ITPRIP: variants seen among roughly 807,000 people sequenced by gnomAD.
ITPRIP encodes inositol 1,4,5-trisphosphate receptor interacting protein.
ITPRIP carries 32 observed loss-of-function variants against 35.8 expected under a neutral mutation model. The observed-to-expected ratio is 0.89, with a 90% CI of 0.68 to 1.20. ITPRIP has a LOEUF of 1.20. ITPRIP is among the 50% of genes most tolerant of loss of function. ITPRIP has a pLI of 0.00. For missense variants in ITPRIP, 653 were observed against 735.6 expected, an observed-to-expected ratio of 0.89 and a Z score of 1.30; for synonymous variants, 358 against 324.0, an observed-to-expected ratio of 1.11 and a Z score of -1.13.
chr10:104,312,709 G>C lies in ITPRIP; in HGVS notation c.*1699C>G, dbSNP rs41302701. 9,860 of 985,348 alleles carry C rather than the reference G, an allele frequency of 0.01. 75 individuals are homozygous for C. The highest frequency in any genetic ancestry group is 0.011 in the Non-Finnish European group (9,211 of 829,924). 61.0% of individuals were successfully genotyped at this position (985,348 alleles called of 1,614,324 possible). ...AGCTGCCCCACCAGGAATTAACCCTGGTGGGCAAAGGGTCCATCTTCTCAA... is the reference window on the plus strand; with the variant it reads ...AGCTGCCCCACCAGGAATTAACCCTCGTGGGCAAAGGGTCCATCTTCTCAA... On this transcript the variant is annotated 3_prime_UTR_variant, in exon 2 of 2. Coordinates refer to ENST00000337478, the MANE Select transcript of ITPRIP (RefSeq NM_001272013.2).
At position 104,315,530 on chromosome 10, in the gene ITPRIP, G is replaced by A; in HGVS notation, c.522C>T (p.Ala174=). 6.2e-7 allele frequency: 1 copy of A among 1,614,234 alleles called. No individual in the cohort carries two copies. Among genetic ancestry groups the A allele is most frequent in the Non-Finnish European group, 8.5e-7 (1 of 1,180,034 alleles). The change falls in exon 2 of 2, where the codon GCC becomes GCT. Residue 174 remains alanine (A), a synonymous_variant. Coordinates refer to ENST00000337478, the MANE Select transcript of ITPRIP (RefSeq NM_001272013.2). The surrounding 1 kb of genome is among the most constrained non-coding windows in gnomAD (Gnocchi z 5.7). ...TGTCCCGGTTGCAGAGGCTCCTCAG[G>A]GCTTCCAGCAAGTCATCCACGAAGC... ...LEGFVDDLLE[A]LRSLCNRDTD...
rs2013572695 is a variant in ITPRIP at position 104,314,464 on chromosome 10, G to C, written c.1588C>G (p.Leu530Val). ...ACATGTAGGGAATACTCGCTAATGAGCGCTGGGGCATTCTTGAGCATCTCA... is the reference window on the plus strand; with the variant it reads ...ACATGTAGGGAATACTCGCTAATGACCGCTGGGGCATTCTTGAGCATCTCA... Reference protein sequence around the residue: ...FYEMLKNAPALISEYSLHVPS... With the variant: ...FYEMLKNAPAVISEYSLHVPS... The change falls in exon 2 of 2, where the codon CTC (leucine) becomes GTC (valine). Residue 530 changes from leucine to valine, a missense_variant. Transcript: ENST00000337478. 1 of 1,614,028 alleles carries C rather than the reference G, an allele frequency of 6.2e-7. No individual in the cohort carries two copies. The highest frequency in any genetic ancestry group is 1.1e-5 in the South Asian group (1 of 91,090).
intron 1 of ITPRIP, among the ~76,000 whole-genome samples, chr10:104,325,252 G>C (rs1178354668): frequency 6.6e-6 from 1 of 152,080 alleles, no homozygotes; most frequent in Non-Finnish European, 1.5e-5. Context: ...AAATATGTTA[G>C]TGGCCACCCA....
intron 1 of ITPRIP, among the ~76,000 whole-genome samples, chr10:104,338,015 G>T (rs1180076987): frequency 6.6e-6 from 1 of 152,194 alleles, no homozygotes; most frequent in African/African-American, 2.4e-5. Context: ...CCCCGACGCG[G>T]CGGGAACAGG....
chr10:104,331,879 G>T (rs1358913687), intron 1 of ITPRIP, among the ~76,000 whole-genome samples: 5 of 152,186 alleles, frequency 3.3e-5, no homozygotes, highest in Non-Finnish European at 7.3e-5. Context: ...GAGACAGCAG[G>T]AAGGGACCAG....
intron 1 of ITPRIP, among the ~76,000 whole-genome samples, chr10:104,319,741 A>G (rs1265777748): frequency 6.6e-6 from 1 of 151,812 alleles, no homozygotes; most frequent in Admixed American, 6.6e-5. Flanking sequence ...AAACCCAGTC[A>G]CAGGAAACAC....
At position 104,311,771 on chromosome 10, in the gene ITPRIP, G is replaced by A. The variant is rs2013494929; in HGVS notation, c.*2637C>T. The A allele has an allele frequency of 6.6e-6, 1 of 152,184 alleles. No individual in the cohort carries two copies. Among genetic ancestry groups the A allele is most frequent in the Admixed American group, 6.5e-5 (1 of 15,278 alleles). The allele number at this position is 152,184 out of a possible 1,614,324, so 9.4% of individuals were successfully genotyped here. A position where few individuals can be genotyped will look rare whatever the true frequency, so the allele number is the denominator to read the frequency against. On this transcript the variant is annotated 3_prime_UTR_variant, in exon 2 of 2. Transcript: ENST00000337478. ...TTAGTGGAAAGGCCAAAGTCCCCTA[G>A]AGGACTCAAAATCCTCTATTTAAAA...
intron 1 of ITPRIP, among the ~76,000 whole-genome samples, chr10:104,321,750 G>T (rs1277634280): frequency 6.8e-6 from 1 of 147,816 alleles, no homozygotes; most frequent in East Asian, 2.0e-4. Context: ...AGAGGTGGGT[G>T]CCATCCCTGT....
rs781468796 is a variant in ITPRIP at position 104,316,011 on chromosome 10, G to A, written c.41C>T (p.Thr14Met). The A allele has an allele frequency of 1.9e-5, 30 of 1,606,368 alleles. No individual in the cohort carries two copies. Among genetic ancestry groups the A allele is most frequent in the African/African-American group, 5.4e-5 (4 of 74,736 alleles). ...CAGCAGCGGGTGGTTGATGATGGCC[G>A]TCACCACCACCAGACACACGCGGAA... ...GLFRVCLVVV[T>M]AIINHPLLFP... Residue 14 changes from threonine (T) to methionine (M), a missense_variant, in exon 2 of 2, where the codon ACG becomes ATG. By Grantham distance (81) the Thr-to-Met change is moderately conservative (BLOSUM62 -1). Coordinates refer to ENST00000337478, the MANE Select transcript of ITPRIP (RefSeq NM_001272013.2).
At chr10:104,337,220 CAGAT>C (rs772229609) in intron 1 of ITPRIP, among the ~76,000 whole-genome samples, 2 of 152,138 alleles carry the variant, frequency 1.3e-5, no homozygotes, top group East Asian at 1.9e-4. Flanking sequence ...AGCTGGCAGT[CAGAT>C]AGACTCGGTT....
intron 1 of ITPRIP, among the ~76,000 whole-genome samples, chr10:104,321,222 T>C (rs1341242765): frequency 1.3e-5 from 2 of 152,178 alleles, no homozygotes; most frequent in African/African-American, 4.8e-5. Flanking sequence ...GCTGGTGGGT[T>C]TGGCTTTGAG....
rs1022067979 is a variant in ITPRIP at position 104,311,862 on chromosome 10, A to C, written c.*2546T>G. Reference sequence around the variant, plus strand: ...TCCAGCTCCTATATTTCTCGCTGACATTAGCTCTGTGAAATAAGGTCTTAG... The same window carrying C: ...TCCAGCTCCTATATTTCTCGCTGACCTTAGCTCTGTGAAATAAGGTCTTAG... On this transcript the variant is annotated 3_prime_UTR_variant, in exon 2 of 2. Coordinates refer to ENST00000337478, the MANE Select transcript of ITPRIP (RefSeq NM_001272013.2). 2.0e-5 allele frequency: 3 copies of C among 152,232 alleles called. No individual in the cohort carries two copies. The highest frequency in any genetic ancestry group is 7.2e-5 in the African/African-American group (3 of 41,456). 9.4% of individuals were successfully genotyped at this position (152,232 alleles called of 1,614,324 possible).
chr10:104,325,477 C>T (rs1220784165), intron 1 of ITPRIP, among the ~76,000 whole-genome samples: 3 of 152,236 alleles, frequency 2.0e-5, no homozygotes, highest in Admixed American at 6.5e-5. Context: ...CAGCCACATT[C>T]GGAATAATCC....
intron 1 of ITPRIP, chr10:104,323,931 C>T (rs2013920879): frequency 6.5e-6 from 1 of 153,848 alleles, no homozygotes; most frequent in Admixed American, 6.5e-5. Context: ...TGCCTTCCTA[C>T]CTACAGTTCC....
intron 1 of ITPRIP, among the ~76,000 whole-genome samples, chr10:104,332,486 C>T (rs2014167768): frequency 6.6e-6 from 1 of 152,168 alleles, no homozygotes; most frequent in African/African-American, 2.4e-5. Flanking sequence ...TACAGAGACA[C>T]CTACTATATC....
Position 104,314,414 on chromosome 10 carries a change from T to C in ITPRIP, c.1638A>G (p.Lys546=), listed in dbSNP as rs376824847. ...LHVPSDQPTP[K]S is the part of the protein sequence containing the mutation. ...CCACATTCTGTAAAAGACGTCAGCTTTTTGGGGTAGGCTGGTCTGAGGGGA... is the reference window on the plus strand; with the variant it reads ...CCACATTCTGTAAAAGACGTCAGCTCTTTGGGGTAGGCTGGTCTGAGGGGA... The change falls in exon 2 of 2, where the codon AAA becomes AAG. Residue 546 remains lysine (K), a synonymous_variant. Transcript: ENST00000337478. 16 of 1,605,014 alleles carry C rather than the reference T, an allele frequency of 1.0e-5. No individual in the cohort carries two copies. Among genetic ancestry groups the C allele is most frequent in the African/African-American group, 1.3e-5 (1 of 74,690 alleles).
Position 104,314,436 on chromosome 10 carries a change from G to A in ITPRIP, c.1616C>T (p.Pro539Leu), listed in dbSNP as rs752022744. The A allele has an allele frequency of 9.9e-6, 16 of 1,612,594 alleles. No individual in the cohort carries two copies. Among genetic ancestry groups the A allele is most frequent in the African/African-American group, 9.3e-5 (7 of 74,898 alleles). Residue 539 changes from proline (P) to leucine (L), a missense_variant, in exon 2 of 2, where the codon CCC (proline) becomes CTC (leucine). Transcript: ENST00000337478. ...GCTTTTTGGGGTAGGCTGGTCTGAG[G>A]GGACATGTAGGGAATACTCGCTAAT... is the stretch of plus-strand genomic sequence containing the variant. ...ALISEYSLHVPSDQPTPKS is the reference protein window; with the variant it reads ...ALISEYSLHVLSDQPTPKS
At chr10:104,329,982 T>C (rs758412485) in intron 1 of ITPRIP, among the ~76,000 whole-genome samples, 86 of 152,202 alleles carry the variant, frequency 5.7e-4, no homozygotes, top group Admixed American at 2.1e-3. Flanking sequence ...TATGACTAAG[T>C]TGTCTCCTCC....
intron 1 of ITPRIP, among the ~76,000 whole-genome samples, chr10:104,319,558 CT>C (rs902754362): frequency 3.9e-5 from 6 of 152,168 alleles, no homozygotes; most frequent in Admixed American, 2.0e-4. Flanking sequence ...CATCTCCCCG[CT>C]TCCCCGGATC....
Sources: gnomAD v4.1 joint callset for allele counts (sites outside exome capture counted in the v4.1 genomes callset) on GRCh38, gnomAD v4.1.1 for gene constraint, Gnocchi (gnomAD v3.1) non-coding constraint, MANE v1.5 for transcripts, NCBI Gene and HGNC (gene_info 2026-07-23, HGNC 2026-07-21) for gene names.